ROBO1: variants seen among roughly 807,000 people sequenced by gnomAD.
ROBO1 encodes roundabout guidance receptor 1.
Under a neutral mutation model 195.9 loss-of-function variants are expected in ROBO1, and 149 were observed. That is an observed-to-expected ratio of 0.76 (90% CI 0.67 to 0.87). ROBO1 has a LOEUF of 0.87. Among genes scored for constraint, ROBO1 ranks in the 40% least tolerant of loss-of-function variants. ROBO1 has a pLI of 0.00. For synonymous variants in ROBO1, 816 were observed against 733.2 expected (o/e 1.11, Z -1.82); for missense variants, 1,933 against 2,068.3 (o/e 0.93, Z 1.27).
At chr3:78,994,966 A>G (rs2077325795) in intron 3 of ROBO1, among the ~76,000 whole-genome samples, 2 of 152,188 alleles carry the variant, frequency 1.3e-5, no homozygotes, top group Non-Finnish European at 2.9e-5. Flanking sequence ...CCATACATTC[A>G]GCCTACCAGG....
chr3:78,769,712 T>C (rs1171891081), intron 4 of ROBO1, among the ~76,000 whole-genome samples: 1 of 151,866 alleles, frequency 6.6e-6, no homozygotes, highest in Non-Finnish European at 1.5e-5. Flanking sequence ...TTTTATGTGT[T>C]TCCAGGATTT....
chr3:79,550,283 TTCTC>T (rs1942461550), intron 2 of ROBO1, among the ~76,000 whole-genome samples: 1 of 151,522 alleles, frequency 6.6e-6, no homozygotes. Flanking sequence ...GCAGTTTTCT[TTCTC>T]TCATTTTTAT....
intron 1 of ROBO1, among the ~76,000 whole-genome samples, chr3:79,709,698 T>A (rs895059931): frequency 2.0e-5 from 3 of 150,876 alleles, no homozygotes; most frequent in Non-Finnish European, 2.9e-5. Flanking sequence ...AATGTTTGTG[T>A]CCCTCCGCCT....
chr3:79,006,509 C>CTTA (rs1274185075), intron 3 of ROBO1, among the ~76,000 whole-genome samples: 1 of 151,858 alleles, frequency 6.6e-6, no homozygotes, highest in Non-Finnish European at 1.5e-5. Flanking sequence ...GGTGCAAGCG[C>CTTA]TTATTATTAT....
At chr3:79,423,888 C>A (rs557331447) in intron 2 of ROBO1, among the ~76,000 whole-genome samples, 72 of 151,992 alleles carry the variant, frequency 4.7e-4, no homozygotes, top group African/African-American at 1.6e-3. Flanking sequence ...GAAGCACATA[C>A]TTTTTTTTCA....
chr3:79,260,226 T>A (rs138559221), intron 2 of ROBO1, among the ~76,000 whole-genome samples: 2 of 152,096 alleles, frequency 1.3e-5, no homozygotes, highest in African/African-American at 4.8e-5. Flanking sequence ...AAATTATGTA[T>A]AAAATCACAT....
At chr3:78,813,309 G>A (rs1362701483) in intron 4 of ROBO1, among the ~76,000 whole-genome samples, 1 of 151,822 alleles carries the variant, frequency 6.6e-6, no homozygotes, top group Non-Finnish European at 1.5e-5. Context: ...AAGTCATAAA[G>A]CTTGAAATTC....
chr3:79,555,289 G>T (rs1942658679), intron 2 of ROBO1, among the ~76,000 whole-genome samples: 1 of 152,110 alleles, frequency 6.6e-6, no homozygotes, highest in Non-Finnish European at 1.5e-5. Flanking sequence ...GAAATGCTAA[G>T]GTTGGCCATG....
chr3:79,378,747 A>C (rs1559857466), intron 2 of ROBO1, among the ~76,000 whole-genome samples: 1 of 152,232 alleles, frequency 6.6e-6, no homozygotes. Flanking sequence ...GAAGAGAAGT[A>C]AACTTTTCCA....
chr3:79,734,254 C>G (rs2107374548), intron 1 of ROBO1, among the ~76,000 whole-genome samples: 1 of 152,032 alleles, frequency 6.6e-6, no homozygotes, highest in South Asian at 2.1e-4. Flanking sequence ...GCACCCATTT[C>G]TATTTTAACT....
At chr3:78,898,712 C>A (rs886514937) in intron 4 of ROBO1, among the ~76,000 whole-genome samples, 2 of 151,774 alleles carry the variant, frequency 1.3e-5, no homozygotes, top group African/African-American at 4.8e-5. Context: ...TTTTATATAT[C>A]TATGGAAGTC....
At position 79,292,228 on chromosome 3, in the gene ROBO1, T is replaced by C. The variant is rs2032293648; in HGVS notation, c.89-166689A>G. ...CTGTGATTTTTGCACATTGATTTTG[T>C]AACCTGAGACTTTGCTGAAGTTGCT... On this transcript the variant is annotated intron_variant, in intron 2 of 30. Coordinates refer to ENST00000464233, the MANE Select transcript of ROBO1 (RefSeq NM_002941.4). Among the ~76,000 whole-genome samples the C allele has an allele frequency of 2.0e-5, 3 of 152,242 alleles. No individual in the cohort carries two copies. In the South Asian group the frequency reaches 6.2e-4, roughly 31 times the overall value.
At position 79,327,874 on chromosome 3, in the gene ROBO1, C is replaced by T. The variant is rs141307813; in HGVS notation, c.89-202335G>A. 3.2e-4 allele frequency among the ~76,000 whole-genome samples: 49 copies of T among 152,208 alleles called. No individual in the cohort carries two copies. In the East Asian group the frequency reaches 3.3e-3, roughly 10 times the overall value. The stretch of plus-strand genomic sequence containing the variant: ...CAACAATGCAATAATGGAAATAGCA[C>T]GCCACTACATGAAACAGAGTATTAA... On this transcript the variant is annotated intron_variant, in intron 2 of 30. Coordinates refer to ENST00000464233, the MANE Select transcript of ROBO1 (RefSeq NM_002941.4).
rs2079694200 is a variant in ROBO1 at position 79,102,388 on chromosome 3, T to A, written c.172+23068A>T. On this transcript the variant is annotated intron_variant, in intron 3 of 30. Transcript: ENST00000464233. ...AAGAGGCCAAACCATCAGCAAGAAGTTCTGAGAGTCCAAGGTTTTCAATCA... is the reference window on the plus strand; with the variant it reads ...AAGAGGCCAAACCATCAGCAAGAAGATCTGAGAGTCCAAGGTTTTCAATCA... Among the ~76,000 whole-genome samples, 3 of 151,712 alleles carry A rather than the reference T, an allele frequency of 2.0e-5. No homozygotes were observed. In the South Asian group the frequency reaches 6.2e-4, roughly 31 times the overall value.
At chr3:78,612,600 G>A (rs1490264853) in intron 28 of ROBO1, among the ~76,000 whole-genome samples, 2 of 152,104 alleles carry the variant, frequency 1.3e-5, no homozygotes, top group Admixed American at 6.5e-5. Context: ...ATGCATGATG[G>A]GATATGTATA....
intron 4 of ROBO1, among the ~76,000 whole-genome samples, chr3:78,764,042 G>A (rs986471883): frequency 2.0e-5 from 3 of 152,140 alleles, no homozygotes; most frequent in Admixed American, 2.0e-4. Context: ...TGGATTTTCA[G>A]TAGATAACTC....
intron 2 of ROBO1, among the ~76,000 whole-genome samples, chr3:79,516,671 A>C (rs547726362): frequency 6.6e-6 from 1 of 152,270 alleles, no homozygotes; most frequent in African/African-American, 2.4e-5. Context: ...GATCTTTCCA[A>C]AGTTGTTTCT....
chr3:79,458,331 A>T (rs559455628), intron 2 of ROBO1, among the ~76,000 whole-genome samples: 3 of 152,300 alleles, frequency 2.0e-5, no homozygotes, highest in Admixed American at 2.0e-4. Flanking sequence ...TGTTTGCCAA[A>T]CAATGTTCTT....
chr3:79,150,019 A>C (rs2108635555), intron 2 of ROBO1, among the ~76,000 whole-genome samples: 1 of 151,892 alleles, frequency 6.6e-6, no homozygotes, highest in African/African-American at 2.4e-5. Context: ...AAGGTCCGTT[A>C]TCACTGGGTC....
Sources: allele counts gnomAD v4.1 joint callset (sites outside exome capture counted in the v4.1 genomes callset), GRCh38; gene constraint gnomAD v4.1.1; transcripts MANE v1.5; gene names NCBI Gene and HGNC (gene_info 2026-07-23, HGNC 2026-07-21).